The following DMGDH variants were observed in gnomAD, a reference collection of about 807,000 sequenced individuals.
DMGDH encodes dimethylglycine dehydrogenase, also known as dimethylglycine dehydrogenase, mitochondrial.
A neutral mutation model predicts 95.2 loss-of-function variants in DMGDH; 76 were observed. That is an observed-to-expected ratio of 0.80 (90% confidence interval 0.66 to 0.97). The LOEUF is 0.97. Ranked by LOEUF, DMGDH falls within the 50% of genes least tolerant of loss-of-function variation. The pLI, the probability that DMGDH is intolerant of heterozygous loss-of-function variation, is 0.00. For missense variants in DMGDH, 987 were observed against 1,055.0 expected (o/e 0.94, Z 0.89); for synonymous variants, 345 against 377.6 (o/e 0.91, Z 1.00).
Position 78,997,979 on chromosome 5 carries a change from G to T in DMGDH, c.*103C>A. The T allele has an allele frequency of 8.0e-7, 1 of 1,243,812 alleles. No individual in the cohort carries two copies. The highest frequency in any genetic ancestry group is 1.2e-6 in the Non-Finnish European group (1 of 865,140). 77.0% of individuals were successfully genotyped at this position (1,243,812 alleles called of 1,614,324 possible). A position where few individuals can be genotyped will look rare whatever the true frequency, so the allele number is the denominator to read the frequency against. ...TCTAAATTTAGACTTTGATGATTTT[G>T]AAATGAATTCCTGGTTTCCTCTATT... On this transcript the variant is annotated 3_prime_UTR_variant, in exon 16 of 16. Transcript: ENST00000255189.
In DMGDH at chr5:79,069,616, AG is replaced by A; in HGVS notation, c.4del (p.Leu2SerfsTer52). 1 of 1,382,154 alleles carries A rather than the reference AG, an allele frequency of 7.2e-7. No homozygotes were observed. 85.6% of individuals were successfully genotyped at this position (1,382,154 alleles called of 1,614,324 possible). ...CCGCAGCAGCTGCGCGCCGGGACGGAGCATGACTAGGCCGAGGCCGAGGGCG... is the reference window on the plus strand; with the variant it reads ...CCGCAGCAGCTGCGCGCCGGGACGGACATGACTAGGCCGAGGCCGAGGGCG... The part of the protein sequence containing the change: M[L>X]RPGAQLLRGL... On this transcript the variant is annotated frameshift_variant, in exon 1 of 16. Transcript: ENST00000255189. LOFTEE classifies it high-confidence loss of function.
chr5:79,059,420 C>T (rs1164014397), intron 2 of DMGDH, among the ~76,000 whole-genome samples: 3 of 152,220 alleles, frequency 2.0e-5, no homozygotes, highest in African/African-American at 7.2e-5. Context: ...CTACCTCAGT[C>T]AACACCCATA....
chr5:79,036,969 G>T (rs1212530571), intron 7 of DMGDH, among the ~76,000 whole-genome samples: 1 of 151,954 alleles, frequency 6.6e-6, no homozygotes, highest in African/African-American at 2.4e-5. Flanking sequence ...CTCATGATAG[G>T]GTTAGTGTCC....
chr5:79,021,358 G>T (rs1753862742), intron 14 of DMGDH: 1 of 1,152,620 alleles, frequency 8.7e-7, no homozygotes, highest in Non-Finnish European at 1.1e-6. Context: ...TTAACATTTA[G>T]ATCTATGGGT....
intron 6 of DMGDH, among the ~76,000 whole-genome samples, chr5:79,043,334 G>A (rs539816031): frequency 1.2e-4 from 18 of 152,170 alleles, no homozygotes; most frequent in Non-Finnish European, 2.1e-4. Context: ...CCAGCATGGG[G>A]GAACAGCAGA....
chr5:79,043,071 G>C (rs909807233), intron 6 of DMGDH, among the ~76,000 whole-genome samples: 1 of 152,128 alleles, frequency 6.6e-6, no homozygotes, highest in Non-Finnish European at 1.5e-5. Context: ...TCCTCCTCTT[G>C]TCCTAAAAGT....
chr5:78,998,089 T>G lies in DMGDH; in HGVS notation c.2594A>C (p.Lys865Thr). Residue 865 changes from lysine (K) to threonine (T), a missense_variant, in exon 16 of 16, where the codon AAA (lysine) becomes ACA (threonine). Physicochemically the swap from Lys to Thr is moderately conservative, Grantham distance 78. Coordinates refer to ENST00000255189, the MANE Select transcript of DMGDH (RefSeq NM_013391.3). Reference sequence around the variant, plus strand: ...ACTGCTGAAGGTCTTTTTTCAAGTTTTGTCCTTTCCACCTTTTTTCTGAAG... The same window carrying G: ...ACTGCTGAAGGTCTTTTTTCAAGTTGTGTCCTTTCCACCTTTTTTCTGAAG... ...NRLQKKGGKDKT is the reference protein window; with the variant it reads ...NRLQKKGGKDTT The G allele has an allele frequency of 6.2e-7, 1 of 1,614,246 alleles. No homozygotes were observed. The highest frequency in any genetic ancestry group is 8.5e-7 in the Non-Finnish European group (1 of 1,180,040).
At chr5:79,026,236 A>G (rs1753997362) in intron 13 of DMGDH, among the ~76,000 whole-genome samples, 188 bp downstream of exon 13, 1 of 152,250 alleles carries the variant, frequency 6.6e-6, no homozygotes, top group African/African-American at 2.4e-5. Context: ...AACATATGTC[A>G]GAATTCCACT....
intron 14 of DMGDH, among the ~76,000 whole-genome samples, chr5:79,018,777 A>G (rs949894016): frequency 2.0e-5 from 3 of 152,238 alleles, no homozygotes; most frequent in African/African-American, 7.2e-5. Context: ...GAAAGCAGTC[A>G]GCTAAACTTC....
chr5:79,055,022 T>C (rs910580938), intron 3 of DMGDH, among the ~76,000 whole-genome samples: 2 of 152,136 alleles, frequency 1.3e-5, no homozygotes, highest in African/African-American at 4.8e-5. Context: ...AAGGAAGGCT[T>C]CTCAAAGGTG....
At chr5:79,013,034 C>T (rs886590633) in intron 14 of DMGDH, among the ~76,000 whole-genome samples, 4 of 151,976 alleles carry the variant, frequency 2.6e-5, no homozygotes, top group Non-Finnish European at 4.4e-5. Context: ...AGAAAATGGG[C>T]TTTTCTTTTC....
chr5:79,007,494 T>A (rs1014779274), intron 14 of DMGDH, among the ~76,000 whole-genome samples: 7 of 100,512 alleles, frequency 7.0e-5, no homozygotes, highest in African/African-American at 3.1e-4. Context: ...ACAGCAACAT[T>A]TTTTTTTTGC....
At chr5:79,037,784 T>C (rs1301311981) in intron 7 of DMGDH, among the ~76,000 whole-genome samples, 4 of 152,232 alleles carry the variant, frequency 2.6e-5, no homozygotes, top group Non-Finnish European at 2.9e-5. Flanking sequence ...TTACAGTCAA[T>C]GATCCTCAAT....
At chr5:79,024,395 A>C (rs1344572048) in intron 13 of DMGDH, 65 bp from the exon 14 acceptor site, 36 of 1,438,568 alleles carry the variant, frequency 2.5e-5, no homozygotes, top group Non-Finnish European at 3.3e-5. Context: ...CATCACTTTC[A>C]TATTTGTTTT....
At position 79,030,016 on chromosome 5, in the gene DMGDH, T is replaced by A. The variant is rs755295841; in HGVS notation, c.1702A>T (p.Ser568Cys). Residue 568 changes from serine to cysteine, a missense_variant, in exon 11 of 16, where the codon AGT becomes TGT. Transcript: ENST00000255189. The part of the protein sequence containing the change: ...VIPKVGFTNI[S>C]HMLTPKGRVY... Reference sequence around the variant, plus strand: ...CGACCCTTGGGTGTTAACATGTGACTTATATTTGTAAAACCCACCTACATA... The same window carrying A: ...CGACCCTTGGGTGTTAACATGTGACATATATTTGTAAAACCCACCTACATA... The A allele has an allele frequency of 2.5e-6, 4 of 1,613,318 alleles. No homozygotes were observed. In the South Asian group the frequency reaches 3.3e-5, roughly 13 times the overall value.
Position 79,051,346 on chromosome 5 carries a change from G to A in DMGDH, c.686C>T (p.Thr229Ile). 2 of 1,614,180 alleles carry A rather than the reference G, an allele frequency of 1.2e-6. No individual in the cohort carries two copies. The highest frequency in any genetic ancestry group is 2.2e-5 in the East Asian group (1 of 44,884). The change falls in exon 5 of 16, where the codon ACA (threonine) becomes ATA (isoleucine). Residue 229 changes from threonine (T) to isoleucine (I), a missense_variant. Thr to Ile is a moderately conservative substitution (Grantham distance 89). Transcript: ENST00000255189. Reference protein sequence around the residue: ...VTSLKARSDGTWDVETPQGSM... With the variant: ...VTSLKARSDGIWDVETPQGSM... ...CCCCTGTGGTGTTTCAACGTCCCAT[G>A]TTCCATCTGACCTGGCTTTCAGAGA...
Position 79,069,569 on chromosome 5 carries a change from G to C in DMGDH, c.52C>G (p.Pro18Ala). Residue 18 changes from proline to alanine, a missense_variant, in exon 1 of 16, where the codon CCG becomes GCG. Pro to Ala is a conservative substitution (Grantham distance 27). Transcript: ENST00000255189. Reference sequence around the variant, plus strand: ...GGGCGCCCGGGGGAGCCCTGCAGCGGGCAGCTCCGCAGCAGGAGGCCCCGC... The same window carrying C: ...GGGCGCCCGGGGGAGCCCTGCAGCGCGCAGCTCCGCAGCAGGAGGCCCCGC... Reference protein sequence around the residue: ...LLRGLLLRSCPLQGSPGRPRS... With the variant: ...LLRGLLLRSCALQGSPGRPRS... 1 of 1,348,672 alleles carries C rather than the reference G, an allele frequency of 7.4e-7. No individual in the cohort carries two copies. The highest frequency in any genetic ancestry group is 9.5e-7 in the Non-Finnish European group (1 of 1,051,114). 83.5% of individuals were successfully genotyped at this position (1,348,672 alleles called of 1,614,324 possible). A position where few individuals can be genotyped will look rare whatever the true frequency, so the allele number is the denominator to read the frequency against.
In DMGDH at chr5:79,027,619, A is replaced by G. The variant is rs114566116; in HGVS notation, c.2032+814T>C. The stretch of plus-strand genomic sequence containing the variant: ...CTGAAGAGCATTCATTCATCTCTGT[A>G]TCAAATACCTACCATGTGCAAGGTT... On this transcript the variant is annotated intron_variant, in intron 12 of 15. Coordinates refer to ENST00000255189, the MANE Select transcript of DMGDH (RefSeq NM_013391.3). Among the ~76,000 whole-genome samples the G allele has an allele frequency of 7.3e-3, 1,111 of 152,284 alleles. 10 individuals carry two copies. Among genetic ancestry groups the G allele is most frequent in the African/African-American group, 0.026 (1,066 of 41,570 alleles).
At chr5:79,061,404 T>C (rs1035485933) in intron 2 of DMGDH, among the ~76,000 whole-genome samples, 1 of 152,196 alleles carries the variant, frequency 6.6e-6, no homozygotes, top group Non-Finnish European at 1.5e-5. Flanking sequence ...TTCTGATGCC[T>C]GATTCCACCT....
Sources: gnomAD v4.1 joint callset for allele counts (sites outside exome capture counted in the v4.1 genomes callset) on GRCh38, gnomAD v4.1.1 for gene constraint, MANE v1.5 for transcripts, NCBI Gene and HGNC (gene_info 2026-07-23, HGNC 2026-07-21) for gene names.